The following MEGF11 variants were observed in gnomAD, a reference collection of about 807,000 sequenced individuals.
MEGF11 encodes the protein multiple epidermal growth factor-like domains protein 11.
A neutral mutation model predicts 146.6 loss-of-function variants in MEGF11; 126 were observed. That is an observed-to-expected ratio of 0.86 (90% CI 0.74 to 1.00). MEGF11 has a LOEUF of 1.00. Among genes scored for constraint, MEGF11 ranks in the 50% least tolerant of loss-of-function variants. The pLI is 0.00. For missense variants in MEGF11, 1,509 were observed against 1,521.2 expected, an observed-to-expected ratio of 0.99 and a Z score of 0.13; for synonymous variants, 532 against 583.4, an observed-to-expected ratio of 0.91 and a Z score of 1.27.
chr15:65,973,225 A>G (rs1394062489), intron 7 of MEGF11, among the ~76,000 whole-genome samples: 1 of 152,022 alleles, frequency 6.6e-6, no homozygotes, highest in African/African-American at 2.4e-5. Flanking sequence ...TAGCAGTGAA[A>G]GGAAGCCCCA....
At chr15:66,094,309 C>T (rs1296770151) in intron 5 of MEGF11, 93 bp downstream of exon 5, 1 of 1,099,532 alleles carries the variant, frequency 9.1e-7, no homozygotes, top group Admixed American at 2.3e-5. Flanking sequence ...GTCGCCCCAG[C>T]ACAACACAAA....
intron 5 of MEGF11, among the ~76,000 whole-genome samples, chr15:66,034,640 G>A (rs769372012): frequency 6.9e-4 from 105 of 152,086 alleles, no homozygotes; most frequent in African/African-American, 1.3e-3. Flanking sequence ...GGATGGTCTC[G>A]AACTCCTGAA....
intron 5 of MEGF11, among the ~76,000 whole-genome samples, chr15:66,034,836 G>T (rs139809153): frequency 6.8e-6 from 1 of 146,284 alleles, no homozygotes; most frequent in African/African-American, 2.8e-5. Context: ...GATTAATGAG[G>T]GCTCTGCCCT....
At chr15:66,234,286 C>T (rs546808924) in intron 1 of MEGF11, among the ~76,000 whole-genome samples, 69 of 152,276 alleles carry the variant, frequency 4.5e-4, no homozygotes, top group South Asian at 3.3e-3. Flanking sequence ...GCTAACACGC[C>T]GAGAGGAACA....
At chr15:66,253,109 C>T (rs1190089100) in intron 1 of MEGF11, among the ~76,000 whole-genome samples, 1 of 152,224 alleles carries the variant, frequency 6.6e-6, no homozygotes, top group East Asian at 1.9e-4. Flanking sequence ...TCGCCGGCCG[C>T]CGCCGAAAAC....
chr15:66,121,090 G>A (rs1350964491), intron 3 of MEGF11, among the ~76,000 whole-genome samples: 1 of 152,160 alleles, frequency 6.6e-6, no homozygotes, highest in Non-Finnish European at 1.5e-5. Context: ...AAGCTGCAAG[G>A]CAACTTAATA....
chr15:66,065,125 G>C (rs553621610), intron 5 of MEGF11, among the ~76,000 whole-genome samples: 18 of 152,300 alleles, frequency 1.2e-4, no homozygotes, highest in African/African-American at 4.1e-4. Context: ...TGCCACGGGT[G>C]GGGCAGGAGG....
intron 10 of MEGF11, among the ~76,000 whole-genome samples, chr15:65,932,487 A>G (rs969963051): frequency 6.6e-6 from 1 of 152,054 alleles, no homozygotes; most frequent in Non-Finnish European, 1.5e-5. Flanking sequence ...GAGACCAGGA[A>G]TGGAGGCTTC....
At chr15:65,980,988 G>T in intron 6 of MEGF11, 90 bp from the exon 7 acceptor site, 1 of 1,428,116 alleles carries the variant, frequency 7.0e-7, no homozygotes, top group Non-Finnish European at 9.3e-7. Context: ...GAATTCCTCC[G>T]CAGTTAATGG....
intron 10 of MEGF11, among the ~76,000 whole-genome samples, chr15:65,950,805 G>C (rs1224715049): frequency 6.6e-6 from 1 of 152,230 alleles, no homozygotes; most frequent in Non-Finnish European, 1.5e-5. Context: ...AGAATCTGGA[G>C]ATGGTGTGTC....
intron 5 of MEGF11, among the ~76,000 whole-genome samples, chr15:65,990,484 G>A (rs998631686): frequency 2.0e-5 from 3 of 151,308 alleles, no homozygotes; most frequent in Admixed American, 6.6e-5. Flanking sequence ...CTGAGAGGTC[G>A]GGCTGCAGTG....
At chr15:66,195,490 GGTT>G (rs1567279808) in intron 1 of MEGF11, among the ~76,000 whole-genome samples, 1 of 152,202 alleles carries the variant, frequency 6.6e-6, no homozygotes, top group East Asian at 1.9e-4. Context: ...TATGTGTGCA[GGTT>G]GTTTATTTGG....
At chr15:66,197,532 C>T (rs1437753099) in intron 1 of MEGF11, among the ~76,000 whole-genome samples, 1 of 152,224 alleles carries the variant, frequency 6.6e-6, no homozygotes, top group African/African-American at 2.4e-5. Context: ...AAGCCATTCT[C>T]CTGCCTCAGT....
At chr15:66,091,821 G>T (rs920162359) in intron 5 of MEGF11, among the ~76,000 whole-genome samples, 1 of 152,226 alleles carries the variant, frequency 6.6e-6, no homozygotes, top group Non-Finnish European at 1.5e-5. Context: ...ACGGCCAACG[G>T]AGAGAAACCA....
At chr15:65,989,332 A>AC (rs530433585) in intron 5 of MEGF11, among the ~76,000 whole-genome samples, 146 of 152,192 alleles carry the variant, frequency 9.6e-4, no homozygotes, top group African/African-American at 3.3e-3. Flanking sequence ...CCCCTGAGCT[A>AC]CCCCAGCTTG....
In MEGF11 at chr15:66,147,281, C is replaced by T. The variant is rs144330522; in HGVS notation, c.-8-18870G>A. On this transcript the variant is annotated intron_variant, in intron 1 of 25. Transcript: ENST00000395614. Reference sequence around the variant, plus strand: ...CCCCAAATGGCACCTTACATGGTTGCGCAGCCCAGGGCCCTTGCCAGCCTC... The same window carrying T: ...CCCCAAATGGCACCTTACATGGTTGTGCAGCCCAGGGCCCTTGCCAGCCTC... Among the ~76,000 whole-genome samples the T allele has an allele frequency of 6.0e-3, 915 of 152,314 alleles. 2 individuals carry two copies. The highest frequency in any genetic ancestry group is 0.011 in the Non-Finnish European group (717 of 68,032).
At chr15:66,101,095 C>A (rs1182218857) in intron 4 of MEGF11, among the ~76,000 whole-genome samples, 1 of 152,116 alleles carries the variant, frequency 6.6e-6, no homozygotes, top group Non-Finnish European at 1.5e-5. Context: ...TGGAACATTA[C>A]TGGTGCTGAA....
At chr15:66,246,817 T>C (rs1469670418) in intron 1 of MEGF11, among the ~76,000 whole-genome samples, 1 of 151,728 alleles carries the variant, frequency 6.6e-6, no homozygotes, top group Non-Finnish European at 1.5e-5. Flanking sequence ...ATCTCAAAAC[T>C]AATAATAATA....
intron 5 of MEGF11, among the ~76,000 whole-genome samples, chr15:65,983,147 G>A (rs1212027382): frequency 6.6e-6 from 1 of 151,834 alleles, no homozygotes; most frequent in Non-Finnish European, 1.5e-5. Context: ...TAATGCCTAC[G>A]CCCCCTGGTT....
Sources: allele counts gnomAD v4.1 joint callset (sites outside exome capture counted in the v4.1 genomes callset), GRCh38; gene constraint gnomAD v4.1.1; transcripts MANE v1.5; gene names NCBI Gene and HGNC (gene_info 2026-07-23, HGNC 2026-07-21).